Variants in DYSF observed in about 807,000 individuals in gnomAD.
DYSF encodes the protein dystrophy-associated fer-1-like 1.
A neutral mutation model predicts 274.9 loss-of-function variants in DYSF; 212 were observed. That is an observed-to-expected ratio of 0.77 (90% CI 0.69 to 0.86). DYSF has a LOEUF of 0.86. DYSF is among the 40% of genes least tolerant of loss of function. The pLI, the probability that DYSF is intolerant of heterozygous loss-of-function variation, is 0.00. For synonymous variants in DYSF, 1,091 were observed against 1,078.7 expected, an observed-to-expected ratio of 1.01 and a Z score of -0.22; for missense variants, 2,666 against 2,783.2, an observed-to-expected ratio of 0.96 and a Z score of 0.95.
chr2:71,479,726 G>T (rs4852788), intron 1 of DYSF, among the ~76,000 whole-genome samples: 4 of 152,052 alleles, frequency 2.6e-5, no homozygotes, highest in African/African-American at 9.7e-5. Flanking sequence ...GCCGTGCATC[G>T]TCTGGGGCAC....
chr2:71,575,319 C>T (rs1028722809), intron 30 of DYSF, among the ~76,000 whole-genome samples: 2 of 152,144 alleles, frequency 1.3e-5, no homozygotes, highest in African/African-American at 4.8e-5. Flanking sequence ...TGGGCAAGGC[C>T]CAACAGTGGC....
At chr2:71,641,737 G>C (rs1211196705) in intron 41 of DYSF, among the ~76,000 whole-genome samples, 1 of 152,056 alleles carries the variant, frequency 6.6e-6, no homozygotes, top group Non-Finnish European at 1.5e-5. Context: ...CGAGGTTTTA[G>C]TTTTGGTTTT....
intron 26 of DYSF, 143 bp from the exon 27 acceptor site, chr2:71,569,677 C>A: frequency 2.8e-6 from 2 of 724,290 alleles, no homozygotes; most frequent in East Asian, 2.7e-5. Flanking sequence ...TGGTCTCTTG[C>A]ACCCTTCCCT....
chr2:71,678,776 G>T (rs1347768504), intron 52 of DYSF, among the ~76,000 whole-genome samples: 1 of 152,232 alleles, frequency 6.6e-6, no homozygotes, highest in African/African-American at 2.4e-5. Context: ...GTACATAGAT[G>T]AGTAATTGAA....
At chr2:71,662,617 GTGTC>G (rs539753588) in intron 45 of DYSF, among the ~76,000 whole-genome samples, 102 of 136,040 alleles carry the variant, frequency 7.5e-4, no homozygotes, top group African/African-American at 2.5e-3. Flanking sequence ...GTGTGTCTGT[GTGTC>G]TGTGTGGCAT....
At chr2:71,627,396 T>C (rs2094226334) in intron 41 of DYSF, among the ~76,000 whole-genome samples, 1 of 152,100 alleles carries the variant, frequency 6.6e-6, no homozygotes, top group Admixed American at 6.5e-5. Flanking sequence ...TTAAATTATC[T>C]TTTGTTATTG....
rs2089333334 is a variant in DYSF, at chr2:71,536,342, T to C, written c.1493+1031T>C. 6.6e-5 allele frequency among the ~76,000 whole-genome samples: 10 copies of C among 152,172 alleles called. 1 individual carries two copies. The South Asian group carries it at 2.1e-3, about 32-fold the overall frequency. ...AAGCTGTGTGCCAGTTCCCCAGGCCTAAAGAAAACAGCTTGTGAGAATTAG... is the reference window on the plus strand; with the variant it reads ...AAGCTGTGTGCCAGTTCCCCAGGCCCAAAGAAAACAGCTTGTGAGAATTAG... On this transcript the variant is annotated intron_variant, in intron 16 of 55. Transcript: ENST00000410020.
intron 44 of DYSF, among the ~76,000 whole-genome samples, chr2:71,659,408 A>C (rs1056021025): frequency 2.6e-5 from 4 of 152,220 alleles, no homozygotes; most frequent in Non-Finnish European, 5.9e-5. Context: ...TAAAGCAGAA[A>C]GATAAGTAAG....
In DYSF at chr2:71,669,157, G is replaced by A; in HGVS notation, c.5592G>A (p.Leu1864=). The change falls in exon 50 of 56, where the codon CTG becomes CTA. Residue 1864 remains leucine, a synonymous_variant. Transcript: ENST00000410020. ...CIIWNTRDVI[L]DDLSLTGEKM... ...TCTGGAATACCAGAGATGTGATCCT[G>A]GATGACCTGAGCCTCACGGGGGAGA... The A allele has an allele frequency of 1.2e-6, 2 of 1,610,614 alleles. No homozygotes were observed. Among genetic ancestry groups the A allele is most frequent in the Non-Finnish European group, 1.7e-6 (2 of 1,178,588 alleles).
intron 22 of DYSF, 129 bp downstream of exon 22, chr2:71,556,200 C>T (rs140686386): frequency 8.5e-5 from 65 of 762,378 alleles, no homozygotes; most frequent in Admixed American, 5.5e-4. Flanking sequence ...CAGTCCAGCC[C>T]GTGCTGAGTC....
chr2:71,474,173 G>A (rs1409566473), intron 1 of DYSF, among the ~76,000 whole-genome samples: 3 of 152,044 alleles, frequency 2.0e-5, no homozygotes, highest in Non-Finnish European at 4.4e-5. Context: ...TGATCCACCC[G>A]CATCCACCTC....
At chr2:71,522,274 T>C in intron 12 of DYSF, among the ~76,000 whole-genome samples, 1 of 151,274 alleles carries the variant, frequency 6.6e-6, no homozygotes, top group East Asian at 2.0e-4. Context: ...TGCATCCCCC[T>C]TTTTCCACTC....
chr2:71,640,064 G>T (rs1468636916), intron 41 of DYSF, among the ~76,000 whole-genome samples: 2 of 152,300 alleles, frequency 1.3e-5, no homozygotes, highest in East Asian at 1.9e-4. Flanking sequence ...GAGAGGTTAA[G>T]TAGTGACCCA....
exon 1 of DYSF, chr2:71,453,913 G>A: frequency 7.4e-7 from 1 of 1,347,012 alleles, no homozygotes; most frequent in Non-Finnish European, 1.1e-6. Context: ...CTCCAGCGAG[G>A]GGACCCACAA....
chr2:71,459,791 T>C (rs2081211127), intron 1 of DYSF, among the ~76,000 whole-genome samples: 2 of 152,114 alleles, frequency 1.3e-5, no homozygotes, highest in Non-Finnish European at 2.9e-5. Context: ...GCCAGTGTCC[T>C]CTCCCTTGGG....
chr2:71,654,172 A>G (rs1321324427), intron 42 of DYSF, among the ~76,000 whole-genome samples: 1 of 152,234 alleles, frequency 6.6e-6, no homozygotes, highest in Non-Finnish European at 1.5e-5. Flanking sequence ...TATTATCTCT[A>G]TTAAATAAAT....
intron 46 of DYSF, among the ~76,000 whole-genome samples, chr2:71,664,672 G>A (rs1198500132): frequency 6.6e-6 from 1 of 152,188 alleles, no homozygotes; most frequent in African/African-American, 2.4e-5. Context: ...CCAAGAACCT[G>A]GCTCATCACA....
chr2:71,598,667 C>A lies in DYSF; in HGVS notation c.3678C>A (p.Ile1226=). 3.7e-6 allele frequency: 6 copies of A among 1,614,106 alleles called. No individual in the cohort carries two copies. The highest frequency in any genetic ancestry group is 5.1e-6 in the Non-Finnish European group (6 of 1,180,042). ...TWDQTLIFYE[I]EIFGEPATVA... ...ACCAGACGCTCATCTTCTACGAGAT[C>A]GAGATCTTTGGCGAGCCGGCCACAG... Residue 1226 remains isoleucine, a synonymous_variant, in exon 33 of 56, where the codon ATC becomes ATA. Transcript: ENST00000410020.
rs373036556 is a variant in DYSF, at chr2:71,545,378, T to G, written c.1577-5663T>G. 3.9e-5 allele frequency among the ~76,000 whole-genome samples: 6 copies of G among 152,368 alleles called. No individual in the cohort carries two copies. The East Asian group carries it at 5.8e-4, about 15-fold the overall frequency. On this transcript the variant is annotated intron_variant, in intron 17 of 55. Coordinates refer to ENST00000410020, the MANE Select transcript of DYSF (RefSeq NM_001130987.2). Reference sequence around the variant, plus strand: ...CCTTCTGATTTCCTTGTTGGAACTTTGGACTAGTCCCAGAAACGACCTTCC... The same window carrying G: ...CCTTCTGATTTCCTTGTTGGAACTTGGGACTAGTCCCAGAAACGACCTTCC...
Sources: gnomAD v4.1 joint callset for allele counts (sites outside exome capture counted in the v4.1 genomes callset) on GRCh38, gnomAD v4.1.1 for gene constraint, MANE v1.5 for transcripts, NCBI Gene and HGNC (gene_info 2026-07-23, HGNC 2026-07-21) for gene names.